The following FBXO42 variants were observed in gnomAD, a reference collection of about 807,000 sequenced individuals.
FBXO42 encodes F-box protein 42.
In FBXO42, 12 loss-of-function variants were observed where a neutral mutation model predicts 71.7. The ratio of observed to expected loss-of-function variants is 0.17; its 90% CI spans 0.11 to 0.27. The LOEUF is 0.27. FBXO42 is among the 10% of genes least tolerant of loss of function. FBXO42 has a pLI of 1.00. For missense variants in FBXO42, 707 were observed against 911.9 expected (o/e 0.78, Z 2.89); for synonymous variants, 325 against 327.5 (o/e 0.99, Z 0.08).
At chr1:16,260,209 CT>C (rs35806590) in intron 4 of FBXO42, among the ~76,000 whole-genome samples, 65,770 of 124,978 alleles carry the variant, frequency 0.53, 15,126 homozygotes, top group East Asian at 0.73. Flanking sequence ...TACTATGCAG[CT>C]TTTTTTTTTT....
chr1:16,348,231 T>C (rs1290936820), intron 1 of FBXO42, among the ~76,000 whole-genome samples: 1 of 152,130 alleles, frequency 6.6e-6, no homozygotes, highest in African/African-American at 2.4e-5. Flanking sequence ...AATAATACAG[T>C]GCCACATAAA....
At chr1:16,327,781 C>A (rs900443656) in intron 1 of FBXO42, among the ~76,000 whole-genome samples, 3 of 152,172 alleles carry the variant, frequency 2.0e-5, no homozygotes, top group Non-Finnish European at 4.4e-5. Context: ...CTGCTCACTG[C>A]AACCTCTGCC....
At chr1:16,333,451 T>A (rs564664753) in intron 1 of FBXO42, among the ~76,000 whole-genome samples, 11 of 131,936 alleles carry the variant, frequency 8.3e-5, no homozygotes, top group Admixed American at 6.7e-4. Flanking sequence ...CCCCCCCCAT[T>A]TCCAAGAAGA....
At chr1:16,271,135 A>C (rs1488767828) in intron 4 of FBXO42, among the ~76,000 whole-genome samples, 1 of 152,060 alleles carries the variant, frequency 6.6e-6, no homozygotes, top group Non-Finnish European at 1.5e-5. Flanking sequence ...TGTGAGGCTA[A>C]AATACAGTGA....
chr1:16,347,883 G>A (rs1401709480), intron 1 of FBXO42, among the ~76,000 whole-genome samples: 2 of 151,820 alleles, frequency 1.3e-5, no homozygotes, highest in Middle Eastern at 3.2e-3. Flanking sequence ...CAGCTACTCG[G>A]GAGGCTGAGG....
intron 2 of FBXO42, among the ~76,000 whole-genome samples, chr1:16,312,313 A>G (rs1217958308): frequency 6.6e-6 from 1 of 152,032 alleles, no homozygotes; most frequent in Non-Finnish European, 1.5e-5. Context: ...AGTGAGCCAA[A>G]ATCGCACCAA....
At chr1:16,277,281 G>C (rs1017092253) in intron 4 of FBXO42, among the ~76,000 whole-genome samples, 1 of 152,098 alleles carries the variant, frequency 6.6e-6, no homozygotes, top group Non-Finnish European at 1.5e-5. Context: ...TAACACATTT[G>C]CATATTATAA....
At chr1:16,328,239 A>G (rs1557603574) in intron 1 of FBXO42, among the ~76,000 whole-genome samples, 1 of 152,212 alleles carries the variant, frequency 6.6e-6, no homozygotes, top group Non-Finnish European at 1.5e-5. Flanking sequence ...CAATCCAACT[A>G]TATTACAAAT....
chr1:16,247,875 CTA>C lies in FBXO42; in HGVS notation c.*2793_*2794del, dbSNP rs1386141011. The C allele has an allele frequency of 6.6e-6, 1 of 151,930 alleles. No homozygotes were observed. The highest frequency in any genetic ancestry group is 1.5e-5 in the Non-Finnish European group (1 of 68,022). The allele number at this position is 151,930 out of a possible 1,614,324, so 9.4% of individuals were successfully genotyped here. ...CTCTGTCCAAGAGGGTAGGGAGAGA[CTA>C]AAATTCTTAAGTAAGATGGACAAGG... On this transcript the variant is annotated 3_prime_UTR_variant, in exon 10 of 10. Coordinates refer to ENST00000375592, the MANE Select transcript of FBXO42 (RefSeq NM_018994.3).
chr1:16,274,937 G>A (rs77087518), intron 4 of FBXO42, among the ~76,000 whole-genome samples: 8 of 152,048 alleles, frequency 5.3e-5, no homozygotes. Flanking sequence ...AAAAAGAATC[G>A]CTAATGTAAA....
At chr1:16,283,050 G>C (rs1031124192) in intron 4 of FBXO42, among the ~76,000 whole-genome samples, 3 of 152,066 alleles carry the variant, frequency 2.0e-5, no homozygotes, top group Non-Finnish European at 4.4e-5. Context: ...TCTGCTATGG[G>C]GCCAAGGAAC....
chr1:16,316,184 A>AAAAAG (rs1053913217), intron 1 of FBXO42, among the ~76,000 whole-genome samples: 1 of 151,284 alleles, frequency 6.6e-6, no homozygotes, highest in Non-Finnish European at 1.5e-5. Flanking sequence ...AAAAAAAAAA[A>AAAAAG]AAAGAAAGAA....
In FBXO42 at chr1:16,302,513, C is replaced by CA. The variant is rs550364870; in HGVS notation, c.367+3289_367+3290insT. On this transcript the variant is annotated intron_variant, in intron 3 of 9. Transcript: ENST00000375592. ...GAAAGAGCACAGGGGAAACTGCCAC[C>CA]TTTTTTTCTTTTTTGAAACGGAGTC... Among the ~76,000 whole-genome samples, 574 of 152,138 alleles carry CA rather than the reference C, an allele frequency of 3.8e-3. 3 individuals are homozygous for CA. Among genetic ancestry groups the CA allele is most frequent in the African/African-American group, 0.013 (543 of 41,534 alleles).
chr1:16,342,401 A>T (rs994047233), intron 1 of FBXO42, among the ~76,000 whole-genome samples: 10 of 150,676 alleles, frequency 6.6e-5, no homozygotes, highest in Non-Finnish European at 1.0e-4. Context: ...TGTCTCAAAA[A>T]AAAAAAAAAA....
Position 16,251,345 on chromosome 1 carries a change from T to C in FBXO42, c.1479A>G (p.Lys493=). ...GATCTATGGATCCTAATCTCAGATC[T>C]TTCTGATCTGGTAGTGATCCTCGTC... ...APRRGSLPDQ[K]DLRLGSIDLN... Residue 493 remains lysine (K), a synonymous_variant, in exon 10 of 10, where the codon AAA becomes AAG. Coordinates refer to ENST00000375592, the MANE Select transcript of FBXO42 (RefSeq NM_018994.3). This position sits in a 1 kb window ranked among gnomAD's most constrained non-coding sequence, Gnocchi z 4.5. The C allele has an allele frequency of 6.2e-7, 1 of 1,614,202 alleles. No individual in the cohort carries two copies. Among genetic ancestry groups the C allele is most frequent in the Middle Eastern group, 1.6e-4 (1 of 6,062 alleles).
At chr1:16,345,854 A>AG (rs1389337480) in intron 1 of FBXO42, among the ~76,000 whole-genome samples, 1 of 151,888 alleles carries the variant, frequency 6.6e-6, no homozygotes, top group Non-Finnish European at 1.5e-5. Flanking sequence ...TCTCAAAAAA[A>AG]AAAAAAAAAA....
In FBXO42 at chr1:16,296,851, A is replaced by G. The variant is rs1432292721; in HGVS notation, c.368-1934T>C. Among the ~76,000 whole-genome samples the G allele has an allele frequency of 2.6e-5, 4 of 151,916 alleles. No individual in the cohort carries two copies. The East Asian group carries it at 7.7e-4, about 29-fold the overall frequency. On this transcript the variant is annotated intron_variant, in intron 3 of 9. Transcript: ENST00000375592. Reference sequence around the variant, plus strand: ...AGGGAAATGCTACTACTGTTGACTCATCCAATGCCACTACTATAATCACCT... The same window carrying G: ...AGGGAAATGCTACTACTGTTGACTCGTCCAATGCCACTACTATAATCACCT...
intron 3 of FBXO42, among the ~76,000 whole-genome samples, chr1:16,296,663 A>C (rs556706962): frequency 0.034 from 5,080 of 151,266 alleles, 262 homozygotes; most frequent in African/African-American, 0.11. Flanking sequence ...AAAAAAAAAA[A>C]AAAAACAAAA....
chr1:16,307,111 C>T (rs11582646), intron 2 of FBXO42, among the ~76,000 whole-genome samples: 41,164 of 151,838 alleles, frequency 0.27, 6,502 homozygotes, highest in Non-Finnish European at 0.37. Flanking sequence ...AGGCTGGTCT[C>T]GAACTCCCCA....
Sources: allele counts gnomAD v4.1 joint callset (sites outside exome capture counted in the v4.1 genomes callset), GRCh38; gene constraint gnomAD v4.1.1; non-coding constraint Gnocchi (gnomAD v3.1); transcripts MANE v1.5; gene names NCBI Gene and HGNC (gene_info 2026-07-23, HGNC 2026-07-21).